The following FAM13B variants were observed in gnomAD, a reference collection of about 807,000 sequenced individuals.
FAM13B encodes family with sequence similarity 13 member B.
In FAM13B, 60 loss-of-function variants were observed where a neutral mutation model predicts 117.3. The observed-to-expected ratio is 0.51, with a 90% CI of 0.42 to 0.63. FAM13B has a LOEUF of 0.63. Among genes scored for constraint, FAM13B ranks in the 30% least tolerant of loss-of-function variants. The pLI is 0.00. For missense variants in FAM13B, 972 were observed against 1,091.9 expected (o/e 0.89, Z 1.55); for synonymous variants, 332 against 356.1 (o/e 0.93, Z 0.76).
intron 7 of FAM13B, among the ~76,000 whole-genome samples, chr5:137,995,359 A>G (rs1425575336): frequency 2.0e-5 from 3 of 152,360 alleles, no homozygotes; most frequent in Non-Finnish European, 4.4e-5. Context: ...CTAATCCAAT[A>G]TAAGTGGAGA....
chr5:137,962,751 A>C (rs771486363), intron 10 of FAM13B, among the ~76,000 whole-genome samples: 7 of 151,866 alleles, frequency 4.6e-5, no homozygotes, highest in Non-Finnish European at 8.8e-5. Context: ...TCTCCTCCAA[A>C]ATGATGGTCT....
chr5:138,001,254 A>T (rs754707391), intron 7 of FAM13B, among the ~76,000 whole-genome samples: 3 of 152,194 alleles, frequency 2.0e-5, no homozygotes, highest in African/African-American at 4.8e-5. Flanking sequence ...AATGTTTGCA[A>T]ATTACTTCAT....
chr5:137,955,573 T>C (rs1766273773), intron 14 of FAM13B, among the ~76,000 whole-genome samples: 1 of 152,116 alleles, frequency 6.6e-6, no homozygotes, highest in African/African-American at 2.4e-5. Flanking sequence ...ATACCCCAAA[T>C]ACAACATTAA....
At chr5:137,999,694 C>T (rs1195900098) in intron 7 of FAM13B, among the ~76,000 whole-genome samples, 1 of 152,184 alleles carries the variant, frequency 6.6e-6, no homozygotes, top group African/African-American at 2.4e-5. Flanking sequence ...ATGCCATACA[C>T]TAGGAAACAA....
chr5:138,012,092 T>C lies in FAM13B; in HGVS notation c.371-147A>G, dbSNP rs1025195015. On this transcript the variant is annotated intron_variant, in intron 4 of 23. Transcript: ENST00000689681. ...CTTCCTCTACTGGGGCCAAATGCCT[T>C]AGGGCTTTGTATTTCACTTATGAAA... 23 of 541,410 alleles carry C rather than the reference T, an allele frequency of 4.2e-5. No individual in the cohort carries two copies. In the South Asian group the frequency reaches 6.0e-4, roughly 14 times the overall value. 33.5% of individuals were successfully genotyped at this position (541,410 alleles called of 1,614,324 possible). A position where few individuals can be genotyped will look rare whatever the true frequency, so the allele number is the denominator to read the frequency against.
At chr5:138,033,115 G>T (rs1790636709), upstream of FAM13B, 2 of 929,838 alleles carry the variant, frequency 2.2e-6, no homozygotes, top group African/African-American at 1.8e-5. Context: ...GACGTGCGTG[G>T]GAGGGGGCGG....
At chr5:137,966,345 G>A (rs1453306893) in intron 10 of FAM13B, among the ~76,000 whole-genome samples, 2 of 151,042 alleles carry the variant, frequency 1.3e-5, no homozygotes, top group Admixed American at 6.6e-5. Flanking sequence ...GCTGAGGCAG[G>A]AGAATCACTT....
chr5:137,942,730 G>C (rs1251801581), intron 22 of FAM13B, 145 bp downstream of exon 22: 1 of 623,786 alleles, frequency 1.6e-6, no homozygotes, highest in Non-Finnish European at 2.6e-6. Flanking sequence ...ATAAATATTT[G>C]CAAATCACAC....
intron 20 of FAM13B, among the ~76,000 whole-genome samples, chr5:137,943,485 G>A (rs184392813): frequency 4.3e-4 from 66 of 152,324 alleles, no homozygotes; most frequent in Middle Eastern, 3.4e-3. Context: ...GGTGGCTAAC[G>A]CCTGTAATCC....
intron 7 of FAM13B, among the ~76,000 whole-genome samples, chr5:137,996,144 T>C (rs1779804186): frequency 6.6e-6 from 1 of 152,176 alleles, no homozygotes; most frequent in Non-Finnish European, 1.5e-5. Flanking sequence ...TTTTTGTTTT[T>C]TGTTTTTTTG....
rs1183731987 is a variant in FAM13B, at chr5:138,000,345, G to A, written c.848+6645C>T. On this transcript the variant is annotated intron_variant, in intron 7 of 23. Coordinates refer to ENST00000689681, the MANE Select transcript of FAM13B (RefSeq NM_001385994.1). ...GCCTGAAAGGTCAAGGCTGTAGTGA[G>A]TCATGATCATGCCACTGCACTCCAG... Among the ~76,000 whole-genome samples the A allele has an allele frequency of 2.0e-5, 3 of 152,204 alleles. No homozygotes were observed. In the East Asian group the frequency reaches 5.8e-4, roughly 29 times the overall value.
intron 1 of FAM13B, among the ~76,000 whole-genome samples, chr5:138,051,044 A>G (rs1403439565): frequency 1.3e-5 from 2 of 152,166 alleles, no homozygotes; most frequent in Admixed American, 6.6e-5. Flanking sequence ...ATGAAAAGCA[A>G]AACTCTCACT....
chr5:137,992,072 C>T (rs1778733567), intron 7 of FAM13B, among the ~76,000 whole-genome samples: 1 of 151,804 alleles, frequency 6.6e-6, no homozygotes, highest in African/African-American at 2.4e-5. Flanking sequence ...GGCACATGCC[C>T]AGCTAACTTT....
chr5:138,032,790 C>T lies in FAM13B; in HGVS notation c.-211G>A. ...CCCGCCCGTTTACCTACCGTTGGAA[C>T]CGCGATGCCCCGTTCCCTGGCCGCG... On this transcript the variant is annotated 5_prime_UTR_variant, in exon 1 of 24. Coordinates refer to ENST00000689681, the MANE Select transcript of FAM13B (RefSeq NM_001385994.1). 6 of 985,790 alleles carry T rather than the reference C, an allele frequency of 6.1e-6. No homozygotes were observed. Among genetic ancestry groups the T allele is most frequent in the Non-Finnish European group, 7.2e-6 (6 of 829,972 alleles). 61.1% of individuals were successfully genotyped at this position (985,790 alleles called of 1,614,324 possible). A position where few individuals can be genotyped will look rare whatever the true frequency, so the allele number is the denominator to read the frequency against.
Position 137,939,540 on chromosome 5 carries a change from G to T in FAM13B, c.*685C>A, listed in dbSNP as rs555642739. 63 of 157,548 alleles carry T rather than the reference G, an allele frequency of 4.0e-4. No homozygotes were observed. Among genetic ancestry groups the T allele is most frequent in the African/African-American group, 1.5e-3 (61 of 41,588 alleles). The allele number at this position is 157,548 out of a possible 1,614,324, so 9.8% of individuals were successfully genotyped here. A position where few individuals can be genotyped will look rare whatever the true frequency, so the allele number is the denominator to read the frequency against. On this transcript the variant is annotated 3_prime_UTR_variant, in exon 24 of 24. Coordinates refer to ENST00000689681, the MANE Select transcript of FAM13B (RefSeq NM_001385994.1). The stretch of plus-strand genomic sequence containing the variant: ...TATGATTCAGTTCTGTGTGTGATGT[G>T]TGGTGTGTGTTTTCAATATACTAAG...
intron 7 of FAM13B, among the ~76,000 whole-genome samples, chr5:138,000,938 A>AC (rs1561514202): frequency 5.9e-5 from 5 of 84,372 alleles, no homozygotes; most frequent in South Asian, 4.0e-4. Context: ...TCAAAAAACA[A>AC]AAAACAAAAA....
chr5:137,966,159 G>A lies in FAM13B; in HGVS notation c.1180-3690C>T, dbSNP rs572136892. ...GATAAGCTTATCCAAAATATAGGCC[G>A]GGTGTGGTGGCTCATGCCTGTAATC... On this transcript the variant is annotated intron_variant, in intron 10 of 23. Transcript: ENST00000689681. Among the ~76,000 whole-genome samples, 15 of 151,566 alleles carry A rather than the reference G, an allele frequency of 9.9e-5. No individual in the cohort carries two copies. The South Asian group carries it at 1.3e-3, about 13-fold the overall frequency.
chr5:138,016,992 GTAA>G (rs1264026769), intron 4 of FAM13B, among the ~76,000 whole-genome samples: 1 of 152,070 alleles, frequency 6.6e-6, no homozygotes, highest in Non-Finnish European at 1.5e-5. Context: ...AAAAATTCCT[GTAA>G]TAATAAAATG....
intron 6 of FAM13B, among the ~76,000 whole-genome samples, chr5:138,009,581 G>A (rs1038863832): frequency 6.6e-6 from 1 of 152,112 alleles, no homozygotes; most frequent in Non-Finnish European, 1.5e-5. Flanking sequence ...GAGGTGGGTG[G>A]ATCACCCGAG....
Sources: gnomAD v4.1 joint callset for allele counts (sites outside exome capture counted in the v4.1 genomes callset) on GRCh38, gnomAD v4.1.1 for gene constraint, MANE v1.5 for transcripts, NCBI Gene and HGNC (gene_info 2026-07-23, HGNC 2026-07-21) for gene names.